PTPRD: variants seen among roughly 807,000 people sequenced by gnomAD.
PTPRD encodes protein tyrosine phosphatase receptor type D.
Under a neutral mutation model 214.5 loss-of-function variants are expected in PTPRD, and 34 were observed. The observed-to-expected ratio is 0.16, with a 90% CI of 0.12 to 0.21. The LOEUF (loss-of-function observed/expected upper bound fraction) is 0.21. Among genes scored for constraint, PTPRD ranks in the 10% least tolerant of loss-of-function variants. The pLI is 1.00. For missense variants in PTPRD, 2,545 were observed against 2,398.7 expected (o/e 1.06, Z -1.27); for synonymous variants, 1,128 against 845.7 (o/e 1.33, Z -5.79).
At position 9,330,001 on chromosome 9, in the gene PTPRD, A is replaced by G. The variant is rs116011266; in HGVS notation, c.-203+67448T>C. Reference sequence around the variant, plus strand: ...TTGATTTCCCCACCAGTTCTCACAAAGAACATTTGTAGACTAAACAGGCTT... The same window carrying G: ...TTGATTTCCCCACCAGTTCTCACAAGGAACATTTGTAGACTAAACAGGCTT... On this transcript the variant is annotated intron_variant, in intron 9 of 45. Coordinates refer to ENST00000381196, the MANE Select transcript of PTPRD (RefSeq NM_002839.4). Among the ~76,000 whole-genome samples, 1,144 of 152,234 alleles carry G rather than the reference A, an allele frequency of 7.5e-3. 11 individuals are homozygous for G. The highest frequency in any genetic ancestry group is 0.026 in the African/African-American group (1,089 of 41,562).
chr9:9,761,748 T>C (rs1475229711), intron 6 of PTPRD, among the ~76,000 whole-genome samples: 2 of 151,624 alleles, frequency 1.3e-5, no homozygotes, highest in Admixed American at 6.6e-5. Flanking sequence ...AAAAAAACTA[T>C]TCATTATCAT....
intron 3 of PTPRD, among the ~76,000 whole-genome samples, chr9:10,334,480 C>T (rs1472597659): frequency 6.6e-6 from 1 of 150,774 alleles, no homozygotes; most frequent in Non-Finnish European, 1.5e-5. Flanking sequence ...GTGAGAAGCT[C>T]GAGGCTTTCT....
At chr9:8,451,626 G>A (rs1193442942) in intron 33 of PTPRD, among the ~76,000 whole-genome samples, 2 of 152,104 alleles carry the variant, frequency 1.3e-5, no homozygotes, top group Non-Finnish European at 2.9e-5. Flanking sequence ...AATCGAAATG[G>A]GTTAATGAAA....
intron 11 of PTPRD, among the ~76,000 whole-genome samples, chr9:8,737,331 C>A (rs1054870347): frequency 6.6e-6 from 1 of 152,116 alleles, no homozygotes; most frequent in East Asian, 1.9e-4. Context: ...ATCTCCATTC[C>A]TTATCTTGTT....
chr9:9,822,240 T>C (rs1598790088), intron 5 of PTPRD, among the ~76,000 whole-genome samples: 1 of 150,536 alleles, frequency 6.6e-6, no homozygotes, highest in Non-Finnish European at 1.5e-5. Context: ...GTGAAACCCC[T>C]TCTCTACTAA....
intron 8 of PTPRD, among the ~76,000 whole-genome samples, chr9:9,417,267 T>G (rs113318408): frequency 9.2e-5 from 14 of 152,282 alleles, no homozygotes; most frequent in African/African-American, 3.4e-4. Context: ...AATTAGAGTT[T>G]TAATCTTAAA....
chr9:9,988,799 G>A (rs938172005), intron 4 of PTPRD, among the ~76,000 whole-genome samples: 3 of 151,666 alleles, frequency 2.0e-5, no homozygotes, highest in Non-Finnish European at 4.4e-5. Context: ...GTTCTAAAAG[G>A]AAGGCTTTTA....
intron 3 of PTPRD, among the ~76,000 whole-genome samples, chr9:10,287,363 T>C (rs947271979): frequency 5.3e-5 from 8 of 152,256 alleles, no homozygotes; most frequent in South Asian, 4.1e-4. Flanking sequence ...TGCCTCTACA[T>C]AGCAAAAACC....
At chr9:10,124,200 C>T (rs886363382) in intron 3 of PTPRD, among the ~76,000 whole-genome samples, 2 of 152,118 alleles carry the variant, frequency 1.3e-5, no homozygotes, top group African/African-American at 2.4e-5. Flanking sequence ...CTGTAAATAG[C>T]ATTTTTAATA....
At chr9:9,928,198 G>T (rs1470270072) in intron 5 of PTPRD, among the ~76,000 whole-genome samples, 2 of 152,092 alleles carry the variant, frequency 1.3e-5, no homozygotes, top group African/African-American at 4.8e-5. Flanking sequence ...GTTAGCTGCA[G>T]CTTAAATTTC....
chr9:10,346,079 T>C (rs931948514), intron 2 of PTPRD, among the ~76,000 whole-genome samples: 2 of 152,192 alleles, frequency 1.3e-5, no homozygotes, highest in Admixed American at 6.5e-5. Context: ...AGCAATTATA[T>C]TGAAACACAA....
intron 3 of PTPRD, among the ~76,000 whole-genome samples, chr9:10,155,289 T>C (rs1331240599): frequency 4.6e-5 from 7 of 152,030 alleles, no homozygotes; most frequent in African/African-American, 1.7e-4. Flanking sequence ...TTTTTTTTTA[T>C]GTTGGTTTTA....
At chr9:9,371,548 CT>C (rs2059495842) in intron 9 of PTPRD, among the ~76,000 whole-genome samples, 1 of 152,056 alleles carries the variant, frequency 6.6e-6, no homozygotes, top group African/African-American at 2.4e-5. Flanking sequence ...TTTTGTTGAT[CT>C]TTTCAAAAAA....
intron 3 of PTPRD, among the ~76,000 whole-genome samples, chr9:10,200,628 C>T (rs551374260): frequency 6.6e-6 from 1 of 151,928 alleles, no homozygotes; most frequent in Non-Finnish European, 1.5e-5. Flanking sequence ...CTCAAGGAGG[C>T]AAATAAACAG....
At chr9:8,848,316 T>C (rs1317261207) in intron 11 of PTPRD, among the ~76,000 whole-genome samples, 344 of 13,838 alleles carry the variant, frequency 0.025, 6 homozygotes, top group African/African-American at 0.044. Flanking sequence ...ATTTTTCCTT[T>C]TTTTTTTTTT....
At chr9:9,872,598 C>A (rs563211516) in intron 5 of PTPRD, among the ~76,000 whole-genome samples, 14 of 151,836 alleles carry the variant, frequency 9.2e-5, no homozygotes, top group Non-Finnish European at 1.9e-4. Context: ...TCAAAACAAC[C>A]ACCACCACCA....
chr9:9,768,379 TA>T (rs1404088688), intron 5 of PTPRD, among the ~76,000 whole-genome samples: 1 of 152,188 alleles, frequency 6.6e-6, no homozygotes, highest in East Asian at 1.9e-4. Context: ...AAATATTAAA[TA>T]ATTTTGATAT....
chr9:8,529,110 T>C (rs1266742121), intron 14 of PTPRD, among the ~76,000 whole-genome samples: 1 of 151,990 alleles, frequency 6.6e-6, no homozygotes, highest in African/African-American at 2.4e-5. Flanking sequence ...TGATTTAAAG[T>C]AGGCATTTAG....
At chr9:8,409,011 C>T (rs532494368) in intron 35 of PTPRD, among the ~76,000 whole-genome samples, 8 of 152,130 alleles carry the variant, frequency 5.3e-5, no homozygotes, top group Admixed American at 1.3e-4. Flanking sequence ...AGAAGTTTAT[C>T]TCAAACTAGG....
Sources: gnomAD v4.1 joint callset for allele counts (sites outside exome capture counted in the v4.1 genomes callset) on GRCh38, gnomAD v4.1.1 for gene constraint, MANE v1.5 for transcripts, NCBI Gene and HGNC (gene_info 2026-07-23, HGNC 2026-07-21) for gene names.